The following KIF26B variants were observed in gnomAD, a reference collection of about 807,000 sequenced individuals.
KIF26B encodes kinesin-like protein KIF26B.
In KIF26B, 63 loss-of-function variants were observed where a neutral mutation model predicts 151.2. That is an observed-to-expected ratio of 0.42 (90% CI 0.34 to 0.51). The LOEUF (loss-of-function observed/expected upper bound fraction) is 0.51. KIF26B is among the 20% of genes least tolerant of loss of function. KIF26B has a pLI of 0.07. For synonymous variants in KIF26B, 1,357 were observed against 1,262.1 expected, an observed-to-expected ratio of 1.08 and a Z score of -1.59; for missense variants, 2,813 against 2,913.6, an observed-to-expected ratio of 0.97 and a Z score of 0.79.
rs12024574 is a variant in KIF26B at position 245,401,182 on chromosome 1, G to A, written c.1000-18397G>A. Among the ~76,000 whole-genome samples the A allele has an allele frequency of 2.6e-3, 403 of 152,278 alleles. 10 individuals are homozygous for A. The East Asian group carries it at 0.046, about 17-fold the overall frequency. On this transcript the variant is annotated intron_variant, in intron 3 of 14. Coordinates refer to ENST00000407071, the MANE Select transcript of KIF26B (RefSeq NM_018012.4). ...AAAAAGCTTTCCATTTACATGGATTGGAGGTCTGATTAATATAGAGTTTTG... is the reference window on the plus strand; with the variant it reads ...AAAAAGCTTTCCATTTACATGGATTAGAGGTCTGATTAATATAGAGTTTTG...
chr1:245,368,621 G>C (rs1035311846), intron 3 of KIF26B, among the ~76,000 whole-genome samples: 2 of 152,098 alleles, frequency 1.3e-5, no homozygotes, highest in African/African-American at 4.8e-5. Context: ...GTCATAGGGG[G>C]TGTTTGGTAG....
chr1:245,464,382 G>GGT (rs145902975), intron 4 of KIF26B, among the ~76,000 whole-genome samples: 4 of 146,626 alleles, frequency 2.7e-5, no homozygotes, highest in South Asian at 4.4e-4. Context: ...GGTGTGTGTA[G>GGT]GTGTGTGTGT....
chr1:245,241,442 C>A lies in KIF26B; in HGVS notation c.465+84759C>A, dbSNP rs1040856762. ...AGAAGAGGTGGAACTTGGAGCTGGG[C>A]ACCAGCTGGCACTGCTGTGTTCAGA... On this transcript the variant is annotated intron_variant, in intron 2 of 14. Coordinates refer to ENST00000407071, the MANE Select transcript of KIF26B (RefSeq NM_018012.4). The surrounding 1 kb of genome is among the most constrained non-coding windows in gnomAD (Gnocchi z 5.0). 6.6e-6 allele frequency among the ~76,000 whole-genome samples: 1 copy of A among 152,182 alleles called. No homozygotes were observed. Among genetic ancestry groups the A allele is most frequent in the Non-Finnish European group, 1.5e-5 (1 of 68,034 alleles).
intron 4 of KIF26B, among the ~76,000 whole-genome samples, chr1:245,478,368 C>A (rs1226555551): frequency 4.0e-5 from 6 of 150,556 alleles, no homozygotes; most frequent in Admixed American, 2.0e-4. Flanking sequence ...AGGACTTGAG[C>A]ATTGCTTTTC....
At chr1:245,611,549 G>T (rs1287142211) in intron 8 of KIF26B, among the ~76,000 whole-genome samples, 1 of 152,228 alleles carries the variant, frequency 6.6e-6, no homozygotes, top group Non-Finnish European at 1.5e-5. Flanking sequence ...AGACTGTAAA[G>T]TAGGTAAAAA....
chr1:245,542,840 G>A (rs1360141447), intron 5 of KIF26B, among the ~76,000 whole-genome samples: 1 of 152,224 alleles, frequency 6.6e-6, no homozygotes, highest in African/African-American at 2.4e-5. Context: ...TGGAACTTCA[G>A]TGCCGGAGCT....
At chr1:245,586,148 C>T (rs2043221057) in intron 5 of KIF26B, among the ~76,000 whole-genome samples, 1 of 149,678 alleles carries the variant, frequency 6.7e-6, no homozygotes, top group Non-Finnish European at 1.5e-5. Flanking sequence ...AGGCACACAC[C>T]ACCATGACCA....
At chr1:245,262,665 G>A (rs1367650852) in intron 2 of KIF26B, among the ~76,000 whole-genome samples, 6 of 152,100 alleles carry the variant, frequency 3.9e-5, no homozygotes, top group Admixed American at 3.9e-4. Context: ...ATGTTGGCCA[G>A]GCTGGTCTCA....
chr1:245,286,589 A>G (rs191765477), intron 2 of KIF26B, among the ~76,000 whole-genome samples: 97 of 152,246 alleles, frequency 6.4e-4, no homozygotes, highest in Admixed American at 3.4e-3. Context: ...TTAAATATTG[A>G]TTCTTAAGCC....
At chr1:245,699,306 T>C (rs1049226624) in intron 14 of KIF26B, among the ~76,000 whole-genome samples, 1 of 152,006 alleles carries the variant, frequency 6.6e-6, no homozygotes, top group Non-Finnish European at 1.5e-5. Context: ...ATGAGATTTT[T>C]CCCCCTGCGT....
chr1:245,164,071 G>A (rs6695762), intron 2 of KIF26B, among the ~76,000 whole-genome samples: 127,363 of 152,128 alleles, frequency 0.84, 54,778 homozygotes, highest in South Asian at 0.94. Flanking sequence ...TTTCTATTAA[G>A]ATGTTGGCTT....
At chr1:245,364,268 G>T (rs1200263661) in intron 2 of KIF26B, among the ~76,000 whole-genome samples, 2 of 152,208 alleles carry the variant, frequency 1.3e-5, no homozygotes, top group East Asian at 3.9e-4. Context: ...AAACAAGGAA[G>T]AAAAGAGAAG....
At chr1:245,374,257 T>C (rs1673219437) in intron 3 of KIF26B, among the ~76,000 whole-genome samples, 1 of 147,852 alleles carries the variant, frequency 6.8e-6, no homozygotes, top group Non-Finnish European at 1.5e-5. Context: ...TGGGGGATCT[T>C]GGTGCTAGAG....
At chr1:245,457,283 T>C (rs1035583709) in intron 4 of KIF26B, among the ~76,000 whole-genome samples, 1 of 152,148 alleles carries the variant, frequency 6.6e-6, no homozygotes, top group African/African-American at 2.4e-5. Context: ...AGAAAAGCTT[T>C]TAGAATGAAT....
intron 3 of KIF26B, among the ~76,000 whole-genome samples, chr1:245,371,092 G>C (rs1359992636): frequency 6.6e-6 from 1 of 152,172 alleles, no homozygotes; most frequent in South Asian, 2.1e-4. Context: ...GTCATCCTGG[G>C]TATGTTCTGT....
At chr1:245,225,615 A>G (rs1052188005) in intron 2 of KIF26B, among the ~76,000 whole-genome samples, 1 of 152,080 alleles carries the variant, frequency 6.6e-6, no homozygotes. Flanking sequence ...TTTCCTTGCT[A>G]GGGGTTCTTC....
intron 4 of KIF26B, among the ~76,000 whole-genome samples, chr1:245,465,017 C>T (rs12354184): frequency 7.4e-6 from 1 of 135,396 alleles, no homozygotes; most frequent in Non-Finnish European, 1.6e-5. Flanking sequence ...CTCACTCTGT[C>T]GCCCAGGCTG....
chr1:245,203,079 T>C (rs1388967960), intron 2 of KIF26B, among the ~76,000 whole-genome samples: 2 of 150,222 alleles, frequency 1.3e-5, no homozygotes, highest in African/African-American at 4.9e-5. Flanking sequence ...ATTTTTAGTC[T>C]CTACTAAAAA....
In KIF26B at chr1:245,516,244, A is replaced by G. The variant is rs984217491; in HGVS notation, c.1167-24523A>G. Among the ~76,000 whole-genome samples the G allele has an allele frequency of 1.3e-5, 2 of 152,162 alleles. No homozygotes were observed. Among genetic ancestry groups the G allele is most frequent in the African/African-American group, 4.8e-5 (2 of 41,432 alleles). ...AGCAATGCTTGAACTCTGGTCCGTG[A>G]TGAAGCAAGCTCTTCCATGGTGTTA... On this transcript the variant is annotated intron_variant, in intron 4 of 14. Transcript: ENST00000407071. The surrounding 1 kb of genome is among the most constrained non-coding windows in gnomAD (Gnocchi z 4.2).
Sources: allele counts gnomAD v4.1 joint callset (sites outside exome capture counted in the v4.1 genomes callset), GRCh38; gene constraint gnomAD v4.1.1; non-coding constraint Gnocchi (gnomAD v3.1); transcripts MANE v1.5; gene names NCBI Gene and HGNC (gene_info 2026-07-23, HGNC 2026-07-21).